The following FRMPD4 variants were observed in gnomAD, a reference collection of about 807,000 sequenced individuals.
FRMPD4 encodes the protein FERM and PDZ domain containing 4.
A neutral mutation model predicts 94.1 loss-of-function variants in FRMPD4; 22 were observed. The ratio of observed to expected loss-of-function variants is 0.23; its 90% CI spans 0.17 to 0.33. FRMPD4 has a LOEUF of 0.33. Among genes scored for constraint, FRMPD4 ranks in the 10% least tolerant of loss-of-function variants. The pLI, the probability that FRMPD4 is intolerant of heterozygous loss-of-function variation, is 1.00. For synonymous variants in FRMPD4, 631 were observed against 548.6 expected, an observed-to-expected ratio of 1.15 and a Z score of -2.10; for missense variants, 1,111 against 1,339.9, an observed-to-expected ratio of 0.83 and a Z score of 2.67.
chrX:12,542,409 TG>T, intron 2 of FRMPD4, among the ~76,000 whole-genome samples: 1 of 112,350 alleles, frequency 8.9e-6, no homozygotes, highest in East Asian at 2.8e-4. Flanking sequence ...ACAAAATCAA[TG>T]CGCAAAAATC....
intron 2 of FRMPD4, among the ~76,000 whole-genome samples, chrX:12,558,221 G>A (rs2058616830): frequency 8.9e-6 from 1 of 112,705 alleles, no homozygotes; most frequent in South Asian, 3.6e-4. Context: ...AGTGAAAACT[G>A]TACGTGTTTC....
chrX:12,409,214 C>T (rs746554183), intron 1 of FRMPD4, among the ~76,000 whole-genome samples: 7 of 111,907 alleles, frequency 6.3e-5, no homozygotes, highest in South Asian at 3.8e-4. Context: ...AATATAGCAG[C>T]GGTTCTCAAT....
intron 1 of FRMPD4, among the ~76,000 whole-genome samples, chrX:12,421,083 T>G: frequency 8.9e-6 from 1 of 111,773 alleles, no homozygotes; most frequent in East Asian, 2.8e-4. Context: ...ACTGCCTGCA[T>G]GAAAGACTAT....
At chrX:11,961,477 G>A (rs2054282940) in intron 3 of FRMPD4, among the ~76,000 whole-genome samples, 1 of 111,999 alleles carries the variant, frequency 8.9e-6, no homozygotes, top group African/African-American at 3.2e-5. Context: ...GCTTTTCTTT[G>A]CTAAGATCTG....
intron 1 of FRMPD4, among the ~76,000 whole-genome samples, chrX:12,290,652 G>T (rs1223896086): frequency 9.0e-6 from 1 of 111,731 alleles, no homozygotes; most frequent in Non-Finnish European, 1.9e-5. Flanking sequence ...CTTTAATATT[G>T]TGTAGTACTC....
chrX:12,053,374 GAAAGAAAGA>G (rs2054831726), intron 3 of FRMPD4, among the ~76,000 whole-genome samples: 1 of 65,183 alleles, frequency 1.5e-5, no homozygotes, highest in East Asian at 4.5e-4. Flanking sequence ...AAGAAAGAAA[GAAAGAAAGA>G]AAGAAAGAAA....
chrX:12,126,641 G>A (rs1292087335), intron 3 of FRMPD4, among the ~76,000 whole-genome samples: 1 of 111,348 alleles, frequency 9.0e-6, no homozygotes, highest in African/African-American at 3.3e-5. Context: ...AGGGTGCTAA[G>A]GAACAAGTAG....
intron 2 of FRMPD4, among the ~76,000 whole-genome samples, chrX:12,522,594 CTTTTTTTTT>C (rs373581040): frequency 1.7e-4 from 13 of 74,548 alleles, no homozygotes; most frequent in African/African-American, 2.3e-4. Flanking sequence ...TTTTCTTTTC[CTTTTTTTTT>C]TTTTTTTTTT....
intron 3 of FRMPD4, among the ~76,000 whole-genome samples, chrX:12,075,594 A>G (rs1181340567): frequency 8.9e-6 from 1 of 112,510 alleles, no homozygotes; most frequent in Non-Finnish European, 1.9e-5. Flanking sequence ...TGCAGTCAGC[A>G]TGACAGCTGC....
chrX:12,678,833 A>G (rs112018100), intron 5 of FRMPD4, among the ~76,000 whole-genome samples: 7,560 of 111,929 alleles, frequency 0.068, 248 homozygotes, highest in African/African-American at 0.11. Flanking sequence ...CTCAAAAAAC[A>G]AAAAAGAGTT....
At chrX:12,117,976 C>T (rs1238783876) in intron 3 of FRMPD4, among the ~76,000 whole-genome samples, 1 of 111,524 alleles carries the variant, frequency 9.0e-6, no homozygotes, top group Non-Finnish European at 1.9e-5. Context: ...TTCCCTGTTT[C>T]CCACCTTATA....
intron 3 of FRMPD4, among the ~76,000 whole-genome samples, chrX:11,959,946 G>A (rs2054275762): frequency 9.0e-6 from 1 of 111,450 alleles, no homozygotes. Context: ...AGTGATCAGT[G>A]ATGCTAAAAA....
intron 3 of FRMPD4, among the ~76,000 whole-genome samples, chrX:11,997,020 A>G (rs1422678539): frequency 2.7e-5 from 3 of 111,289 alleles, no homozygotes; most frequent in Non-Finnish European, 5.7e-5. Flanking sequence ...AATATTCTAA[A>G]TGGACTTCAG....
intron 14 of FRMPD4, among the ~76,000 whole-genome samples, chrX:12,712,046 T>TA (rs1434505289): frequency 1.8e-5 from 2 of 111,203 alleles, no homozygotes; most frequent in East Asian, 5.6e-4. Flanking sequence ...GTCAAATAAA[T>TA]CTGAGATTTA....
chrX:11,976,477 A>G (rs771110812), intron 3 of FRMPD4, among the ~76,000 whole-genome samples: 1 of 112,123 alleles, frequency 8.9e-6, no homozygotes, highest in East Asian at 2.8e-4. Context: ...TTGATTACAC[A>G]TCCATTTTCA....
intron 3 of FRMPD4, among the ~76,000 whole-genome samples, chrX:12,115,644 C>CAA (rs2055402357): frequency 3.3e-5 from 3 of 91,240 alleles, no homozygotes; most frequent in Admixed American, 1.2e-4. Context: ...TTTTTTTTTT[C>CAA]TTCCTCACTT....
chrX:12,519,707 G>A (rs1435993185), intron 2 of FRMPD4, among the ~76,000 whole-genome samples: 1 of 112,149 alleles, frequency 8.9e-6, no homozygotes, highest in Non-Finnish European at 1.9e-5. Context: ...CAACTCAACA[G>A]CAAAATGTCA....
intron 3 of FRMPD4, among the ~76,000 whole-genome samples, chrX:11,960,774 A>G (rs1222693703): frequency 8.9e-6 from 1 of 111,992 alleles, no homozygotes; most frequent in African/African-American, 3.2e-5. Context: ...CATGGAAGCA[A>G]CCTGGTTCTA....
intron 4 of FRMPD4, among the ~76,000 whole-genome samples, chrX:12,639,907 T>C (rs1009178736): frequency 9.0e-6 from 1 of 111,723 alleles, no homozygotes; most frequent in African/African-American, 3.3e-5. Context: ...ACCATTGTAG[T>C]AGACCACATG....
Sources: allele counts gnomAD v4.1 joint callset (sites outside exome capture counted in the v4.1 genomes callset), GRCh38; gene constraint gnomAD v4.1.1; transcripts MANE v1.5; gene names NCBI Gene and HGNC (gene_info 2026-07-23, HGNC 2026-07-21).